Variants in DCLK3 observed in about 807,000 individuals in gnomAD.
DCLK3 encodes the protein serine/threonine-protein kinase DCLK3.
A neutral mutation model predicts 46.4 loss-of-function variants in DCLK3; 30 were observed. The observed-to-expected ratio is 0.65, with a 90% CI of 0.48 to 0.88. DCLK3 has a LOEUF of 0.88. Among genes scored for constraint, DCLK3 ranks in the 40% least tolerant of loss-of-function variants. The pLI, the probability that DCLK3 is intolerant of heterozygous loss-of-function variation, is 0.00. For synonymous variants in DCLK3, 401 were observed against 339.2 expected (o/e 1.18, Z -2.00); for missense variants, 846 against 907.1 (o/e 0.93, Z 0.87).
intron 1 of DCLK3, among the ~76,000 whole-genome samples, chr3:36,752,277 A>G (rs1349936645): frequency 6.6e-6 from 1 of 152,214 alleles, no homozygotes; most frequent in Non-Finnish European, 1.5e-5. Context: ...TGCATGTTCC[A>G]GAGCTTCTCA....
At chr3:36,749,107 G>T (rs1344760613) in intron 1 of DCLK3, among the ~76,000 whole-genome samples, 1 of 152,208 alleles carries the variant, frequency 6.6e-6, no homozygotes, top group Non-Finnish European at 1.5e-5. Context: ...AGAGGGCATG[G>T]CTCCCAGGCC....
intron 1 of DCLK3, among the ~76,000 whole-genome samples, chr3:36,751,061 TCTAAA>T (rs1369331699): frequency 2.1e-4 from 6 of 28,248 alleles, no homozygotes; most frequent in South Asian, 4.6e-3. Flanking sequence ...GACGGGATGA[TCTAAA>T]AAAAAAAAAA....
At chr3:36,763,307 A>T (rs1349716409) in intron 1 of DCLK3, among the ~76,000 whole-genome samples, 1 of 152,244 alleles carries the variant, frequency 6.6e-6, no homozygotes, top group Non-Finnish European at 1.5e-5. Flanking sequence ...AGTTCCCTCC[A>T]CAACTTCTCA....
Position 36,715,199 on chromosome 3 carries a change from A to G in DCLK3, c.*129T>C. ...ATTTTTTTAATATGCTTTAAAATAT[A>G]CTCAGTGTCTCTCCCTCTGATTCAC... On this transcript the variant is annotated 3_prime_UTR_variant, in exon 5 of 5. Transcript: ENST00000636136. The G allele has an allele frequency of 1.0e-6, 1 of 1,000,056 alleles. No homozygotes were observed. The highest frequency in any genetic ancestry group is 2.9e-5 in the East Asian group (1 of 34,846). The allele number at this position is 1,000,056 out of a possible 1,614,324, so 61.9% of individuals were successfully genotyped here.
chr3:36,719,639 G>A (rs2125520841), intron 3 of DCLK3, among the ~76,000 whole-genome samples: 1 of 152,138 alleles, frequency 6.6e-6, no homozygotes, highest in East Asian at 1.9e-4. Flanking sequence ...CTCATTCCTG[G>A]CATCACCAAG....
intron 1 of DCLK3, among the ~76,000 whole-genome samples, chr3:36,756,865 G>A (rs529653652): frequency 4.6e-5 from 7 of 151,658 alleles, no homozygotes; most frequent in Non-Finnish European, 1.0e-4. Flanking sequence ...GTATGCCTTC[G>A]CTCACAGAAC....
chr3:36,734,969 T>C (rs902410967), intron 2 of DCLK3, among the ~76,000 whole-genome samples: 5 of 152,240 alleles, frequency 3.3e-5, no homozygotes, highest in Non-Finnish European at 7.3e-5. Flanking sequence ...GCCCAAGAGA[T>C]GGGTGGACTC....
chr3:36,734,463 G>A (rs1471720278), intron 2 of DCLK3, among the ~76,000 whole-genome samples: 9 of 152,032 alleles, frequency 5.9e-5, no homozygotes, highest in Admixed American at 5.9e-4. Flanking sequence ...CAAATATGCA[G>A]CTTTCTACAG....
At chr3:36,751,947 TG>T (rs1701445445) in intron 1 of DCLK3, among the ~76,000 whole-genome samples, 1 of 152,230 alleles carries the variant, frequency 6.6e-6, no homozygotes, top group African/African-American at 2.4e-5. Context: ...CATCTATTTC[TG>T]CCCCCAAATT....
chr3:36,764,495 C>G lies in DCLK3; in HGVS notation c.-232G>C, dbSNP rs1198479658. On this transcript the variant is annotated 5_prime_UTR_variant, in exon 1 of 5. Transcript: ENST00000636136. The surrounding 1 kb of genome is among the most constrained non-coding windows in gnomAD (Gnocchi z 4.9). Reference sequence around the variant, plus strand: ...CCGGGGGCGCGGGACTTAGCAACCGCGCACCAGCTGCAGCCGCCCTCTCTG... The same window carrying G: ...CCGGGGGCGCGGGACTTAGCAACCGGGCACCAGCTGCAGCCGCCCTCTCTG... 6.1e-6 allele frequency: 1 copy of G among 163,946 alleles called. No individual in the cohort carries two copies. Among genetic ancestry groups the G allele is most frequent in the African/African-American group, 2.4e-5 (1 of 41,644 alleles). 10.2% of individuals were successfully genotyped at this position (163,946 alleles called of 1,614,324 possible).
chr3:36,753,701 G>T (rs1359057629), intron 1 of DCLK3, among the ~76,000 whole-genome samples: 2 of 151,944 alleles, frequency 1.3e-5, no homozygotes, highest in Admixed American at 1.3e-4. Flanking sequence ...TTTGAGATAG[G>T]GTCTTCTGCC....
chr3:36,718,056 C>A lies in DCLK3; in HGVS notation c.2214G>T (p.Leu738=), dbSNP rs757523514. Residue 738 remains leucine (L), a synonymous_variant, in exon 4 of 5, where the codon CTG becomes CTT. Transcript: ENST00000636136. ...DQDELFNIIQ[L]GHFEFLPPYW... is the part of the protein sequence containing the mutation. ...AAGGGGGGAGGAACTCAAAGTGGCC[C>A]AGCTGGATGATGTTAAAGAGCTCGT... 5 of 1,614,030 alleles carry A rather than the reference C, an allele frequency of 3.1e-6. No homozygotes were observed. Among genetic ancestry groups the A allele is most frequent in the Non-Finnish European group, 4.2e-6 (5 of 1,180,024 alleles).
chr3:36,740,509 G>C (rs1360528562), intron 1 of DCLK3, among the ~76,000 whole-genome samples: 2 of 152,106 alleles, frequency 1.3e-5, no homozygotes, highest in African/African-American at 4.8e-5. Flanking sequence ...TTGTCCAGAT[G>C]GTTTTCCCTC....
intron 3 of DCLK3, among the ~76,000 whole-genome samples, 153 bp from the exon 4 acceptor site, chr3:36,718,330 CCTG>C (rs1701011926): frequency 6.6e-6 from 1 of 152,170 alleles, no homozygotes; most frequent in South Asian, 2.1e-4. Context: ...AACACAGCTC[CCTG>C]CTAACTCCTA....
chr3:36,751,027 G>A (rs1701435574), intron 1 of DCLK3, among the ~76,000 whole-genome samples: 1 of 119,478 alleles, frequency 8.4e-6, no homozygotes. Flanking sequence ...ATAAACAGAT[G>A]AGCTTTTCCC....
Position 36,764,223 on chromosome 3 carries a change from G to A in DCLK3, c.41C>T (p.Pro14Leu), listed in dbSNP as rs1008941226. Residue 14 changes from proline (P) to leucine (L), a missense_variant, in exon 1 of 5, where the codon CCG (proline) becomes CTG (leucine). Coordinates refer to ENST00000636136, the MANE Select transcript of DCLK3 (RefSeq NM_001394672.2). This position sits in a 1 kb window ranked among gnomAD's most constrained non-coding sequence, Gnocchi z 4.9. ...CGGGCAGGCTGGGGCTGGCCGGGCC[G>A]GGGGCGGCGGCGGCTGCGGGGCTGG... Reference protein sequence around the residue: ...ATPAPQPPPPPARPAPACPAR... With the variant: ...ATPAPQPPPPLARPAPACPAR... 3.1e-6 allele frequency: 1 copy of A among 320,658 alleles called. No individual in the cohort carries two copies. Among genetic ancestry groups the A allele is most frequent in the Non-Finnish European group, 5.7e-6 (1 of 176,156 alleles). The allele number at this position is 320,658 out of a possible 1,614,324, so 19.9% of individuals were successfully genotyped here.
At chr3:36,742,719 T>C (rs1701355568) in intron 1 of DCLK3, among the ~76,000 whole-genome samples, 1 of 152,184 alleles carries the variant, frequency 6.6e-6, no homozygotes. Context: ...TCTTTCCTCT[T>C]TTAAAGTAGT....
Position 36,737,967 on chromosome 3 carries a change from A to G in DCLK3, c.1200T>C (p.Asp400=), listed in dbSNP as rs1487981873. ...CTGCTCCCTGAGCATGGCTTTCTTG[A>G]TCCTCTGGGCCTCTGTCCTCTTTCT... ...MDKKEDRGPE[D]QESHAQGAAK... is the part of the protein sequence containing the mutation. The change falls in exon 2 of 5, where the codon GAT becomes GAC. Residue 400 remains aspartate (D), a synonymous_variant. Coordinates refer to ENST00000636136, the MANE Select transcript of DCLK3 (RefSeq NM_001394672.2). The surrounding 1 kb of genome is among the most constrained non-coding windows in gnomAD (Gnocchi z 4.4). The G allele has an allele frequency of 6.8e-6, 11 of 1,613,854 alleles. No homozygotes were observed. Among genetic ancestry groups the G allele is most frequent in the Non-Finnish European group, 9.3e-6 (11 of 1,179,956 alleles).
At position 36,764,537 on chromosome 3, in the gene DCLK3, C is replaced by G. The variant is rs1034786369; in HGVS notation, c.-274G>C. ...CCCTCTCTGCGCCGGTCCCGCCATGCGCGCCGCTCCTGGCCCTGGAGGCCG... is the reference window on the plus strand; with the variant it reads ...CCCTCTCTGCGCCGGTCCCGCCATGGGCGCCGCTCCTGGCCCTGGAGGCCG... On this transcript the variant is annotated 5_prime_UTR_variant, in exon 1 of 5. Coordinates refer to ENST00000636136, the MANE Select transcript of DCLK3 (RefSeq NM_001394672.2). The surrounding 1 kb of genome is among the most constrained non-coding windows in gnomAD (Gnocchi z 4.9). Among the ~76,000 whole-genome samples, 1 of 152,158 alleles carries G rather than the reference C, an allele frequency of 6.6e-6. No homozygotes were observed.
Sources: allele counts gnomAD v4.1 joint callset (sites outside exome capture counted in the v4.1 genomes callset), GRCh38; gene constraint gnomAD v4.1.1; non-coding constraint Gnocchi (gnomAD v3.1); transcripts MANE v1.5; gene names NCBI Gene and HGNC (gene_info 2026-07-23, HGNC 2026-07-21).